Variants in JMJD1C observed in about 807,000 individuals in gnomAD.
JMJD1C encodes the protein jumonji domain-containing protein 1C.
JMJD1C carries 31 observed loss-of-function variants against 245.3 expected under a neutral mutation model. The observed-to-expected ratio is 0.13, with a 90% CI of 0.09 to 0.17. The LOEUF is 0.17. JMJD1C is among the 10% of genes least tolerant of loss of function. The pLI is 1.00. For synonymous variants in JMJD1C, 1,057 were observed against 1,017.4 expected (o/e 1.04, Z -0.74); for missense variants, 2,691 against 3,000.2 (o/e 0.90, Z 2.41).
At chr10:63,309,641 G>A (rs186300721) in intron 2 of JMJD1C, among the ~76,000 whole-genome samples, 84 of 152,018 alleles carry the variant, frequency 5.5e-4, no homozygotes, top group African/African-American at 1.9e-3. Context: ...TAAACAGGCC[G>A]GACACAGTGG....
Position 63,305,459 on chromosome 10 carries a change from C to CCTCTCTCTCT in JMJD1C, c.334-40705_334-40696dup, listed in dbSNP as rs371564275. On this transcript the variant is annotated intron_variant, in intron 2 of 25. Transcript: ENST00000399262. ...GGATGACATGGCAAGACGCTCTGACCCTCTCTCTCTCTCTCTCTCTCTCTC... is the reference window on the plus strand; with the variant it reads ...GGATGACATGGCAAGACGCTCTGACCCTCTCTCTCTCTCTCTCTCTCTCTCTCTCTCTCTC... 9.2e-3 allele frequency among the ~76,000 whole-genome samples: 1,044 copies of CCTCTCTCTCT among 113,058 alleles called. 45 individuals are homozygous for CCTCTCTCTCT. The highest frequency in any genetic ancestry group is 0.011 in the Non-Finnish European group (607 of 55,462). The allele number at this position is 113,058 out of a possible 152,430, so 74.2% of individuals were successfully genotyped here.
In JMJD1C at chr10:63,465,400, G is replaced by A. The variant is rs368226718; in HGVS notation, c.168+95C>T. The stretch of plus-strand genomic sequence containing the variant: ...GAGGGGCGTGACCGCCAGTTGGCCG[G>A]GCTGAGCGAGGCGCCAGAGGGAAGC... On this transcript the variant is annotated intron_variant, in intron 1 of 25. Coordinates refer to ENST00000399262, the MANE Select transcript of JMJD1C (RefSeq NM_032776.3). 1.6e-5 allele frequency: 20 copies of A among 1,288,212 alleles called. No individual in the cohort carries two copies. In the East Asian group the frequency reaches 2.8e-4, roughly 18 times the overall value. The allele number at this position is 1,288,212 out of a possible 1,614,324, so 79.8% of individuals were successfully genotyped here.
intron 1 of JMJD1C, among the ~76,000 whole-genome samples, chr10:63,431,433 A>C (rs546955104): frequency 6.6e-6 from 1 of 152,206 alleles, no homozygotes; most frequent in Admixed American, 6.5e-5. Flanking sequence ...GAAGGCTCCT[A>C]AAGTATGGTG....
chr10:63,177,376 G>A (rs954410408), intron 23 of JMJD1C: 2 of 264,104 alleles, frequency 7.6e-6, no homozygotes, highest in African/African-American at 2.3e-5. Flanking sequence ...TTCTTTAGAC[G>A]TTTCCATGAA....
At chr10:63,341,740 C>T (rs1943397666) in intron 2 of JMJD1C, among the ~76,000 whole-genome samples, 1 of 152,138 alleles carries the variant, frequency 6.6e-6, no homozygotes, top group Non-Finnish European at 1.5e-5. Context: ...GTACTTTCCC[C>T]CAAATGTGAC....
intron 3 of JMJD1C, among the ~76,000 whole-genome samples, chr10:63,259,097 C>A (rs1013121043): frequency 6.6e-6 from 1 of 152,174 alleles, no homozygotes; most frequent in African/African-American, 2.4e-5. Context: ...CAAGTCCCTT[C>A]TCCACCATAC....
intron 2 of JMJD1C, among the ~76,000 whole-genome samples, chr10:63,346,697 GCT>G (rs138875263): frequency 0.021 from 3,263 of 152,200 alleles, 113 homozygotes; most frequent in African/African-American, 0.073. Flanking sequence ...TGCTCTAAGG[GCT>G]ACCCAATTTG....
Position 63,206,847 on chromosome 10 carries a change from C to T in JMJD1C, c.4822G>A (p.Val1608Ile). The change falls in exon 10 of 26, where the codon GTA becomes ATA. Residue 1608 changes from valine (V) to isoleucine (I), a missense_variant. By Grantham distance (29) the Val-to-Ile change is conservative (BLOSUM62 3). Transcript: ENST00000399262. ...CTCCTGTTGACTTTATCATCTTTTA[C>T]ATATTTATCAACTATGATCTTACTA... ...VDSKIIVDKY[V>I]KDDKVNRRKA... is the part of the protein sequence containing the mutation. 6.2e-7 allele frequency: 1 copy of T among 1,601,116 alleles called. No individual in the cohort carries two copies. The highest frequency in any genetic ancestry group is 1.3e-5 in the African/African-American group (1 of 74,094).
At chr10:63,486,435 G>A (rs1209403586) in intron 1 of JMJD1C, among the ~76,000 whole-genome samples, 1 of 152,104 alleles carries the variant, frequency 6.6e-6, no homozygotes, top group African/African-American at 2.4e-5. Flanking sequence ...AAGCAAGGAA[G>A]CAAAGGAATC....
intron 22 of JMJD1C, among the ~76,000 whole-genome samples, chr10:63,179,998 C>CT (rs1366517524): frequency 6.6e-6 from 1 of 150,474 alleles, no homozygotes. Context: ...ATATTTTTTT[C>CT]TTTTTTTCTT....
intron 1 of JMJD1C, among the ~76,000 whole-genome samples, chr10:63,394,969 T>C (rs1948374799): frequency 6.6e-6 from 1 of 152,208 alleles, no homozygotes; most frequent in Non-Finnish European, 1.5e-5. Flanking sequence ...ATCACGTATT[T>C]CACAAAAGAC....
Position 63,214,764 on chromosome 10 carries a change from G to C in JMJD1C, c.1403C>G (p.Ser468Cys). ...EDMIIHSSEQ[S>C]TVSDHNSNDL... The stretch of plus-strand genomic sequence containing the variant: ...ATTAGAATTATGATCAGAAACTGTG[G>C]ACTGTTCTGACGAATGAATAATCAT... Residue 468 changes from serine to cysteine, a missense_variant, in exon 8 of 26, where the codon TCC (serine) becomes TGC (cysteine). By Grantham distance (112) the Ser-to-Cys change is moderately radical. This residue lies in a region of JMJD1C where 1,562 missense variants were observed against 1,490.7 expected (regional missense o/e 1.05). Transcript: ENST00000399262. 6.2e-7 allele frequency: 1 copy of C among 1,613,330 alleles called. No individual in the cohort carries two copies. The highest frequency in any genetic ancestry group is 8.5e-7 in the Non-Finnish European group (1 of 1,179,492).
At chr10:63,243,124 T>TATATATATATATATATATATATATATAA (rs1491362612) in intron 3 of JMJD1C, among the ~76,000 whole-genome samples, 7 of 85,792 alleles carry the variant, frequency 8.2e-5, no homozygotes, top group South Asian at 3.8e-4. Context: ...TATATATATA[T>TATATATATATATATATATATATATATAA]AAATATATAT....
intron 2 of JMJD1C, among the ~76,000 whole-genome samples, chr10:63,333,475 G>A (rs527614700): frequency 2.6e-5 from 4 of 152,144 alleles, no homozygotes; most frequent in South Asian, 2.1e-4. Context: ...CTTGGCCTAC[G>A]AGGTTGAGGC....
At chr10:63,354,772 T>C (rs1374423437) in intron 2 of JMJD1C, among the ~76,000 whole-genome samples, 1 of 148,710 alleles carries the variant, frequency 6.7e-6, no homozygotes, top group Non-Finnish European at 1.5e-5. Context: ...CCCAGAACTT[T>C]GGGAGGTTGG....
intron 24 of JMJD1C, among the ~76,000 whole-genome samples, chr10:63,174,923 G>A (rs1205565725): frequency 6.6e-6 from 1 of 151,704 alleles, no homozygotes; most frequent in Non-Finnish European, 1.5e-5. Context: ...TGATTATGTT[G>A]TTACCTAACT....
At chr10:63,331,357 A>C (rs1166510264) in intron 2 of JMJD1C, among the ~76,000 whole-genome samples, 2 of 152,138 alleles carry the variant, frequency 1.3e-5, no homozygotes, top group African/African-American at 2.4e-5. Flanking sequence ...TACTTACTTC[A>C]ATATCCTCGT....
At chr10:63,237,162 C>G (rs1044835936) in intron 3 of JMJD1C, among the ~76,000 whole-genome samples, 3 of 152,010 alleles carry the variant, frequency 2.0e-5, no homozygotes, top group Non-Finnish European at 4.4e-5. Context: ...CTCAGCCTCC[C>G]GAGTAGCTGG....
intron 3 of JMJD1C, among the ~76,000 whole-genome samples, chr10:63,221,493 C>CAGAATGAAAAACTGTCATACAAATA (rs1333616436): frequency 6.6e-6 from 1 of 152,060 alleles, no homozygotes; most frequent in Non-Finnish European, 1.5e-5. Flanking sequence ...AAGAAAATAC[C>CAGAATGAAAAACTGTCATACAAATA]AGAATGAAAA....
Sources: allele counts gnomAD v4.1 joint callset (sites outside exome capture counted in the v4.1 genomes callset), GRCh38; gene constraint gnomAD v4.1.1; regional missense constraint gnomAD v4.1.1; transcripts MANE v1.5; gene names NCBI Gene and HGNC (gene_info 2026-07-23, HGNC 2026-07-21).